GPHN: variants seen among roughly 807,000 people sequenced by gnomAD.
The protein encoded by GPHN is gephyrin.
In GPHN, 17 loss-of-function variants were observed where a neutral mutation model predicts 95.5. That is an observed-to-expected ratio of 0.18 (90% CI 0.12 to 0.27). The LOEUF is 0.27. Ranked by LOEUF, GPHN falls within the 10% of genes least tolerant of loss-of-function variation. GPHN has a pLI of 1.00. For synonymous variants in GPHN, 320 were observed against 322.5 expected, an observed-to-expected ratio of 0.99 and a Z score of 0.08; for missense variants, 660 against 978.1, an observed-to-expected ratio of 0.67 and a Z score of 4.34.
At chr14:67,089,906 T>C (rs1487866547) in intron 12 of GPHN, among the ~76,000 whole-genome samples, 1 of 152,172 alleles carries the variant, frequency 6.6e-6, no homozygotes, top group East Asian at 1.9e-4. Context: ...TAGAAACTGT[T>C]GTTGATTTTT....
the GPHN span, among the ~76,000 whole-genome samples, chr14:67,285,011 A>G: frequency 6.6e-6 from 1 of 152,032 alleles, no homozygotes; most frequent in Non-Finnish European, 1.5e-5. Flanking sequence ...GTGGCCTTCC[A>G]AAGTGTTAGG....
At chr14:67,014,559 G>A (rs1379042458) in intron 9 of GPHN, among the ~76,000 whole-genome samples, 1 of 152,186 alleles carries the variant, frequency 6.6e-6, no homozygotes, top group Non-Finnish European at 1.5e-5. Context: ...GATTGTCATT[G>A]TTAGGTTAGA....
At chr14:66,668,954 C>T (rs1371326852) in intron 1 of GPHN, among the ~76,000 whole-genome samples, 1 of 150,676 alleles carries the variant, frequency 6.6e-6, no homozygotes, top group Non-Finnish European at 1.5e-5. Context: ...TATCTCGGCT[C>T]CCTGCAACCT....
intron 4 of GPHN, among the ~76,000 whole-genome samples, chr14:66,837,254 C>G (rs1445731761): frequency 6.6e-6 from 1 of 151,620 alleles, no homozygotes; most frequent in Admixed American, 6.6e-5. Context: ...CCATGGAATA[C>G]TATGCAGCCA....
the GPHN span, chr14:67,588,531 A>C: frequency 2.0e-5 from 3 of 152,004 alleles, no homozygotes; most frequent in Non-Finnish European, 4.4e-5. Flanking sequence ...TAATACCATA[A>C]TCCCCCTCAA....
chr14:66,587,860 AT>A (rs1177075154), intron 1 of GPHN, among the ~76,000 whole-genome samples: 1 of 152,174 alleles, frequency 6.6e-6, no homozygotes, highest in Non-Finnish European at 1.5e-5. Context: ...AGAGCAGCAG[AT>A]CCCCCAGCAC....
chr14:67,045,064 A>G (rs923213235), intron 10 of GPHN, among the ~76,000 whole-genome samples: 5 of 151,848 alleles, frequency 3.3e-5, no homozygotes, highest in Non-Finnish European at 1.5e-5. Context: ...ACCCAACCCT[A>G]AAATCTGGGT....
At chr14:66,836,233 A>G (rs1256508957) in intron 4 of GPHN, among the ~76,000 whole-genome samples, 1 of 134,010 alleles carries the variant, frequency 7.5e-6, no homozygotes, top group Non-Finnish European at 1.5e-5. Flanking sequence ...TGGTACTGGT[A>G]CCAAAACAGA....
chr14:67,476,074 C>T, the GPHN span, among the ~76,000 whole-genome samples: 2 of 152,204 alleles, frequency 1.3e-5, no homozygotes, highest in Non-Finnish European at 2.9e-5. Flanking sequence ...CCAGCTCTGC[C>T]AGCTGCTAAT....
intron 3 of GPHN, among the ~76,000 whole-genome samples, chr14:66,779,458 A>G (rs2059525726): frequency 6.6e-6 from 1 of 152,162 alleles, no homozygotes; most frequent in Non-Finnish European, 1.5e-5. Context: ...ACTTTAAGCA[A>G]TTAATAAATA....
the GPHN span, chr14:67,515,599 G>A: frequency 6.4e-4 from 97 of 152,662 alleles, no homozygotes; most frequent in Middle Eastern, 6.8e-3. Flanking sequence ...GCCCCGCCAC[G>A]GGCGCCTAGG....
chr14:66,585,436 G>C (rs986261805), intron 1 of GPHN, among the ~76,000 whole-genome samples: 2 of 152,146 alleles, frequency 1.3e-5, no homozygotes, highest in African/African-American at 4.8e-5. Flanking sequence ...GCTAGCGTTT[G>C]AATGTGTTTG....
At chr14:67,243,897 A>G in the GPHN span, among the ~76,000 whole-genome samples, 2 of 152,198 alleles carry the variant, frequency 1.3e-5, no homozygotes, top group Admixed American at 6.5e-5. Context: ...CATGAAAAAG[A>G]AAGTGAGGCT....
chr14:66,700,533 C>G (rs182964298), intron 2 of GPHN, among the ~76,000 whole-genome samples: 3 of 152,020 alleles, frequency 2.0e-5, no homozygotes, highest in Non-Finnish European at 2.9e-5. Context: ...TGGGACAACT[C>G]GGGGATGAAG....
chr14:67,679,259 T>A, the GPHN span, among the ~76,000 whole-genome samples: 1 of 152,204 alleles, frequency 6.6e-6, no homozygotes, highest in East Asian at 1.9e-4. Flanking sequence ...GCTGCCCTTG[T>A]GACCTAATTT....
chr14:67,597,241 G>A, the GPHN span, among the ~76,000 whole-genome samples: 1 of 152,246 alleles, frequency 6.6e-6, no homozygotes, highest in Non-Finnish European at 1.5e-5. Context: ...ACTTTGGGAG[G>A]CCAACATGGG....
the GPHN span, among the ~76,000 whole-genome samples, chr14:67,307,306 C>G: frequency 6.9e-6 from 1 of 144,134 alleles, no homozygotes; most frequent in Admixed American, 7.0e-5. Flanking sequence ...TTATTCTATA[C>G]TATAATAATA....
chr14:66,540,831 T>C (rs1042304701), intron 1 of GPHN, among the ~76,000 whole-genome samples: 6 of 152,244 alleles, frequency 3.9e-5, no homozygotes, highest in African/African-American at 1.4e-4. Flanking sequence ...TGGAGTGCAG[T>C]GGTGTGATCT....
the GPHN span, among the ~76,000 whole-genome samples, chr14:67,296,736 C>A: frequency 6.6e-6 from 1 of 151,320 alleles, no homozygotes; most frequent in Admixed American, 6.6e-5. Context: ...AGGAGAAAAC[C>A]ATATGATCTT....
Sources: gnomAD v4.1 joint callset for allele counts (sites outside exome capture counted in the v4.1 genomes callset) on GRCh38, gnomAD v4.1.1 for gene constraint, MANE v1.5 for transcripts, NCBI Gene and HGNC (gene_info 2026-07-23, HGNC 2026-07-21) for gene names.